The following SLC44A5 variants were observed in gnomAD, a reference collection of about 807,000 sequenced individuals.
SLC44A5 encodes the protein choline transporter-like protein 5.
A neutral mutation model predicts 101.8 loss-of-function variants in SLC44A5; 57 were observed. That is an observed-to-expected ratio of 0.56 (90% CI 0.45 to 0.70). The LOEUF (loss-of-function observed/expected upper bound fraction) is 0.70. Among genes scored for constraint, SLC44A5 ranks in the 30% least tolerant of loss-of-function variants. The pLI is 0.00. For synonymous variants in SLC44A5, 281 were observed against 290.9 expected (o/e 0.97, Z 0.35); for missense variants, 737 against 853.1 (o/e 0.86, Z 1.70).
the SLC44A5 span, among the ~76,000 whole-genome samples, chr1:75,691,085 G>A: frequency 6.6e-6 from 1 of 151,814 alleles, no homozygotes; most frequent in Non-Finnish European, 1.5e-5. Context: ...TCTTGAGTGT[G>A]TACTTTTCGC....
intron 4 of SLC44A5, among the ~76,000 whole-genome samples, chr1:75,338,225 T>G (rs1268838624): frequency 3.3e-5 from 5 of 152,178 alleles, no homozygotes; most frequent in African/African-American, 9.6e-5. Flanking sequence ...AAAAATAAAT[T>G]ACTTTCCTCA....
chr1:75,590,551 T>G (rs1416565174), intron 1 of SLC44A5, among the ~76,000 whole-genome samples: 1 of 152,102 alleles, frequency 6.6e-6, no homozygotes, highest in Non-Finnish European at 1.5e-5. Flanking sequence ...GAACCTGCCC[T>G]GGGGCAGAGA....
intron 2 of SLC44A5, among the ~76,000 whole-genome samples, chr1:75,415,955 A>G (rs1398363462): frequency 6.6e-6 from 1 of 152,210 alleles, no homozygotes. Flanking sequence ...TCATAAGGGA[A>G]GCAGAGCATA....
chr1:75,700,555 G>A, the SLC44A5 span, among the ~76,000 whole-genome samples: 2 of 152,150 alleles, frequency 1.3e-5, no homozygotes, highest in African/African-American at 4.8e-5. Flanking sequence ...GAGAAAGCAG[G>A]AAAGATCTAA....
intron 1 of SLC44A5, among the ~76,000 whole-genome samples, chr1:75,576,540 G>A (rs542769502): frequency 6.6e-5 from 10 of 152,044 alleles, no homozygotes; most frequent in Admixed American, 1.3e-4. Flanking sequence ...GGATGGTCTC[G>A]ATCTCCTGAC....
At chr1:75,659,443 G>GGGAGGGAC in the SLC44A5 span, among the ~76,000 whole-genome samples, 1 of 61,112 alleles carries the variant, frequency 1.6e-5, no homozygotes. Context: ...GAGGGAGGGA[G>GGGAGGGAC]GGAAGGAAGG....
intron 4 of SLC44A5, chr1:75,311,529 C>T (rs1478962940): frequency 1.0e-6 from 1 of 983,506 alleles, no homozygotes; most frequent in Admixed American, 6.2e-5. Flanking sequence ...ACTTACATAA[C>T]AGGTACCAGC....
At chr1:75,676,260 A>G in the SLC44A5 span, among the ~76,000 whole-genome samples, 1 of 152,228 alleles carries the variant, frequency 6.6e-6, no homozygotes, top group Non-Finnish European at 1.5e-5. Flanking sequence ...TGTTCATTGC[A>G]GCACTATTCA....
chr1:75,206,642 T>C, intron 23 of SLC44A5: 1 of 1,612,880 alleles, frequency 6.2e-7, no homozygotes, highest in Non-Finnish European at 8.5e-7. Flanking sequence ...AGTTGCTTCT[T>C]GATCAGAATT....
chr1:75,286,032 T>G (rs771572608), intron 5 of SLC44A5, among the ~76,000 whole-genome samples: 4 of 152,088 alleles, frequency 2.6e-5, no homozygotes, highest in Admixed American at 2.0e-4. Flanking sequence ...TTTTGACTTT[T>G]TGTCTTGATG....
At chr1:75,660,300 A>G in the SLC44A5 span, among the ~76,000 whole-genome samples, 2 of 152,214 alleles carry the variant, frequency 1.3e-5, no homozygotes, top group South Asian at 4.1e-4. Context: ...TGATGAAAAC[A>G]TTTGACAAAC....
intron 5 of SLC44A5, among the ~76,000 whole-genome samples, chr1:75,286,767 A>G (rs901792846): frequency 9.2e-5 from 14 of 152,022 alleles, no homozygotes; most frequent in African/African-American, 3.4e-4. Flanking sequence ...TAAGGAGCCT[A>G]AAGATAGGAC....
intron 3 of SLC44A5, among the ~76,000 whole-genome samples, chr1:75,375,161 C>A (rs1046684165): frequency 6.6e-5 from 10 of 152,112 alleles, no homozygotes; most frequent in Admixed American, 4.6e-4. Context: ...AAGTAAGAAC[C>A]AAACTCAACT....
At chr1:75,380,198 A>G (rs1660854287) in intron 3 of SLC44A5, among the ~76,000 whole-genome samples, 1 of 81,564 alleles carries the variant, frequency 1.2e-5, no homozygotes, top group Non-Finnish European at 2.1e-5. Context: ...GCAGCAGTAG[A>G]TTTATGTACT....
the SLC44A5 span, among the ~76,000 whole-genome samples, chr1:75,684,116 T>C: frequency 1.3e-5 from 2 of 152,080 alleles, no homozygotes; most frequent in Non-Finnish European, 2.9e-5. Context: ...GAGAGAAGCG[T>C]AGGGGAACAC....
At chr1:75,217,411 T>A (rs1646984656) in intron 18 of SLC44A5, among the ~76,000 whole-genome samples, 1 of 152,084 alleles carries the variant, frequency 6.6e-6, no homozygotes, top group Non-Finnish European at 1.5e-5. Flanking sequence ...TAATAAAATA[T>A]TTTAAGGTAC....
chr1:75,321,333 T>C (rs1203738428), intron 4 of SLC44A5, among the ~76,000 whole-genome samples: 1 of 152,158 alleles, frequency 6.6e-6, no homozygotes, highest in Non-Finnish European at 1.5e-5. Flanking sequence ...AGAAATTTAT[T>C]TATCACAGTG....
At chr1:75,501,142 T>G (rs1297988533) in intron 2 of SLC44A5, among the ~76,000 whole-genome samples, 1 of 151,880 alleles carries the variant, frequency 6.6e-6, no homozygotes, top group South Asian at 2.1e-4. Context: ...GAAGAGAAGA[T>G]TTAATTTAGT....
At chr1:75,511,481 CA>C (rs1329328862) in intron 2 of SLC44A5, among the ~76,000 whole-genome samples, 2 of 151,980 alleles carry the variant, frequency 1.3e-5, no homozygotes, top group South Asian at 2.1e-4. Context: ...AATTTTTATC[CA>C]AAAAAACTAC....
Sources: gnomAD v4.1 joint callset for allele counts (sites outside exome capture counted in the v4.1 genomes callset) on GRCh38, gnomAD v4.1.1 for gene constraint, MANE v1.5 for transcripts, NCBI Gene and HGNC (gene_info 2026-07-23, HGNC 2026-07-21) for gene names.